EPHA10: variants seen among roughly 807,000 people sequenced by gnomAD.
EPHA10 encodes ephrin type-A receptor 10.
Under a neutral mutation model 109.7 loss-of-function variants are expected in EPHA10, and 120 were observed. The observed-to-expected ratio is 1.09, with a 90% CI of 0.94 to 1.27. EPHA10 has a LOEUF of 1.27. EPHA10 is among the 50% of genes most tolerant of loss of function. The probability of loss-of-function intolerance (pLI) is 0.00; values close to 1 mark genes in which losing one functional copy is unlikely to be tolerated. For synonymous variants in EPHA10, 640 were observed against 618.9 expected (o/e 1.03, Z -0.51); for missense variants, 1,396 against 1,411.1 (o/e 0.99, Z 0.17).
Position 37,762,196 on chromosome 1 carries a change from T to A in EPHA10, c.172-113A>T, listed in dbSNP as rs1328950393. The stretch of plus-strand genomic sequence containing the variant: ...CATGCACCATGCACACCCCGGAAAT[T>A]GTAAGATGCAGCGCTGGGAGAAACT... On this transcript the variant is annotated intron_variant, in intron 2 of 16. Coordinates refer to ENST00000373048, the MANE Select transcript of EPHA10 (RefSeq NM_001099439.2). 7.9e-6 allele frequency: 8 copies of A among 1,013,064 alleles called. No individual in the cohort carries two copies. In the Admixed American group the frequency reaches 1.1e-4, roughly 14 times the overall value. 62.8% of individuals were successfully genotyped at this position (1,013,064 alleles called of 1,614,324 possible). A position where few individuals can be genotyped will look rare whatever the true frequency, so the allele number is the denominator to read the frequency against.
At chr1:37,720,915 C>CA in intron 11 of EPHA10, 71 bp from the exon 12 acceptor site, 1 of 1,525,300 alleles carries the variant, frequency 6.6e-7, no homozygotes, top group Non-Finnish European at 9.1e-7. Context: ...GTTTCCCCCC[C>CA]AGGGTCCCAG....
rs1218347385 is a variant in EPHA10, at chr1:37,757,219, G to A, written c.851-2849C>T. 9.9e-5 allele frequency among the ~76,000 whole-genome samples: 15 copies of A among 152,226 alleles called. No individual in the cohort carries two copies. In the East Asian group the frequency reaches 2.3e-3, roughly 23 times the overall value. ...TTACTAATTTCTCTAGTGGCTAACCGAGGGAGAACAAAAGTCAAGGTCACT... is the reference window on the plus strand; with the variant it reads ...TTACTAATTTCTCTAGTGGCTAACCAAGGGAGAACAAAAGTCAAGGTCACT... On this transcript the variant is annotated intron_variant, in intron 3 of 16. Coordinates refer to ENST00000373048, the MANE Select transcript of EPHA10 (RefSeq NM_001099439.2).
rs1646415689 is a variant in EPHA10, at chr1:37,759,645, T to C, written c.850+1760A>G. Among the ~76,000 whole-genome samples the C allele has an allele frequency of 5.3e-5, 8 of 152,268 alleles. No homozygotes were observed. In the South Asian group the frequency reaches 1.7e-3, roughly 32 times the overall value. On this transcript the variant is annotated intron_variant, in intron 3 of 16. Coordinates refer to ENST00000373048, the MANE Select transcript of EPHA10 (RefSeq NM_001099439.2). ...GCCTGAGCTCAAGAAGTTCCTAATC[T>C]AGGGTGTGGTCCCTATAGTCCCACC...
In EPHA10 at chr1:37,757,858, G is replaced by A. The variant is rs183012169; in HGVS notation, c.851-3488C>T. 7.0e-4 allele frequency among the ~76,000 whole-genome samples: 107 copies of A among 152,256 alleles called. 2 individuals carry two copies. Among genetic ancestry groups the A allele is most frequent in the Admixed American group, 5.8e-3 (89 of 15,290 alleles). On this transcript the variant is annotated intron_variant, in intron 3 of 16. Coordinates refer to ENST00000373048, the MANE Select transcript of EPHA10 (RefSeq NM_001099439.2). ...TCCCTCCCACCTTATAGGGAGAAGG[G>A]AAGCCATCAGTTGATAATTCCCTCA...
chr1:37,718,523 C>T (rs199652512), intron 16 of EPHA10, 37 bp from the exon 17 acceptor site: 2 of 1,600,914 alleles, frequency 1.2e-6, no homozygotes, highest in African/African-American at 1.3e-5. Flanking sequence ...CTGGCTTGTC[C>T]CCAACTTCTG....
chr1:37,721,174 C>G (rs1569628047), intron 11 of EPHA10, among the ~76,000 whole-genome samples: 1 of 151,256 alleles, frequency 6.6e-6, no homozygotes, highest in East Asian at 1.9e-4. Flanking sequence ...AATCCCAGCA[C>G]TTTGGGAGGC....
chr1:37,718,476 T>A lies in EPHA10; in HGVS notation c.2923A>T (p.Ser975Cys). ...VAEMTAQDLV[S>C]LGISLAEHRE... Reference sequence around the variant, plus strand: ...TGTTCAGCCAAAGAGATGCCTAGGCTCACCAGGTCCCTGAAACAAAGGCTG... The same window carrying A: ...TGTTCAGCCAAAGAGATGCCTAGGCACACCAGGTCCCTGAAACAAAGGCTG... Residue 975 changes from serine (S) to cysteine (C), a missense_variant, in exon 17 of 17, where the codon AGC (serine) becomes TGC (cysteine). By Grantham distance (112) the Ser-to-Cys change is moderately radical. Transcript: ENST00000373048. 1.2e-6 allele frequency: 2 copies of A among 1,613,398 alleles called. No individual in the cohort carries two copies. The highest frequency in any genetic ancestry group is 1.7e-6 in the Non-Finnish European group (2 of 1,180,010).
intron 5 of EPHA10, among the ~76,000 whole-genome samples, chr1:37,751,201 C>CAAAAAAAAAAA (rs1320111085): frequency 6.5e-5 from 3 of 46,064 alleles, no homozygotes; most frequent in Non-Finnish European, 8.3e-5. Flanking sequence ...AGACTCCTCT[C>CAAAAAAAAAAA]AAAAAAAAAA....
At chr1:37,748,522 CCAG>C (rs1371798024) in intron 5 of EPHA10, among the ~76,000 whole-genome samples, 1 of 152,152 alleles carries the variant, frequency 6.6e-6, no homozygotes, top group African/African-American at 2.4e-5. Flanking sequence ...TTTACCAAAG[CCAG>C]CATCCCCATA....
intron 5 of EPHA10, among the ~76,000 whole-genome samples, chr1:37,743,901 T>C (rs957183407): frequency 3.1e-5 from 4 of 129,202 alleles, no homozygotes; most frequent in Non-Finnish European, 5.1e-5. Flanking sequence ...TAGATAGATA[T>C]AGATATATAA....
rs373952318 is a variant in EPHA10, at chr1:37,723,343, T to C, written c.1802A>G (p.Asp601Gly). 10 of 1,614,050 alleles carry C rather than the reference T, an allele frequency of 6.2e-6. No homozygotes were observed. Among genetic ancestry groups the C allele is most frequent in the Middle Eastern group, 1.6e-4 (1 of 6,084 alleles). Reference sequence around the variant, plus strand: ...ATACAGCTCCTCTTCATCATGGGCATCCCCTCCTCCTTTGCCATAGCTGCA... The same window carrying C: ...ATACAGCTCCTCTTCATCATGGGCACCCCCTCCTCCTTTGCCATAGCTGCA... ...RPCSYGKGGG[D>G]AHDEEELYFH... Residue 601 changes from aspartate to glycine, a missense_variant, in exon 9 of 17, where the codon GAT becomes GGT. By Grantham distance (94) the Asp-to-Gly change is moderately conservative. Coordinates refer to ENST00000373048, the MANE Select transcript of EPHA10 (RefSeq NM_001099439.2).
At chr1:37,715,908 AGGG>A (rs1557524002), downstream of EPHA10, 1 of 565,356 alleles carries the variant, frequency 1.8e-6, no homozygotes, top group African/African-American at 1.8e-5. Context: ...TCCTCGAGGA[AGGG>A]GGCAGAAGCC....
At chr1:37,723,710 G>C (rs1025462892) in intron 8 of EPHA10, among the ~76,000 whole-genome samples, 29 of 152,360 alleles carry the variant, frequency 1.9e-4, no homozygotes, top group Admixed American at 7.2e-4. Flanking sequence ...GTGTGAATAA[G>C]GCAAGCGGAT....
At chr1:37,752,007 T>G (rs1416329370) in intron 5 of EPHA10, among the ~76,000 whole-genome samples, 1 of 152,202 alleles carries the variant, frequency 6.6e-6, no homozygotes, top group African/African-American at 2.4e-5. Context: ...CTCAGACTTC[T>G]TGGCAACACC....
chr1:37,722,629 T>C (rs993615840), intron 10 of EPHA10, among the ~76,000 whole-genome samples: 1 of 152,140 alleles, frequency 6.6e-6, no homozygotes, highest in Non-Finnish European at 1.5e-5. Context: ...ATTTCTCAGA[T>C]GAGAAACTGA....
chr1:37,726,204 A>C (rs1645888521), intron 8 of EPHA10, among the ~76,000 whole-genome samples: 1 of 152,184 alleles, frequency 6.6e-6, no homozygotes, highest in Non-Finnish European at 1.5e-5. Flanking sequence ...TGCTTTTCCA[A>C]CGGGTCCAGC....
rs549052875 is a variant in EPHA10 at position 37,718,392 on chromosome 1, C to A, written c.3007G>T (p.Gly1003Cys). The A allele has an allele frequency of 6.2e-7, 1 of 1,611,538 alleles. No homozygotes were observed. Among genetic ancestry groups the A allele is most frequent in the Non-Finnish European group, 8.5e-7 (1 of 1,179,006 alleles). ...ALQARVLQLQGQGVQV is the reference protein window; with the variant it reads ...ALQARVLQLQCQGVQV ...TCCACTCACACCTGCACCCCCTGGC[C>A]CTGCAGCTGGAGCACTCGTGCCTGC... The change falls in exon 17 of 17, where the codon GGC becomes TGC. Residue 1003 changes from glycine (G) to cysteine (C), a missense_variant. Transcript: ENST00000373048.
chr1:37,738,151 G>A (rs903955607), intron 5 of EPHA10: 1 of 151,930 alleles, frequency 6.6e-6, no homozygotes, highest in Admixed American at 6.6e-5. Context: ...CAGATCACCT[G>A]AAGTCAAGAG....
At chr1:37,737,310 T>TAC (rs140769741) in intron 5 of EPHA10, among the ~76,000 whole-genome samples, 32 of 151,728 alleles carry the variant, frequency 2.1e-4, no homozygotes, top group South Asian at 1.0e-3. Flanking sequence ...CAACAAAACC[T>TAC]ACACACACAC....
Sources: gnomAD v4.1 joint callset for allele counts (sites outside exome capture counted in the v4.1 genomes callset) on GRCh38, gnomAD v4.1.1 for gene constraint, MANE v1.5 for transcripts, NCBI Gene and HGNC (gene_info 2026-07-23, HGNC 2026-07-21) for gene names.